The following RFX1 variants were observed in gnomAD, a reference collection of about 807,000 sequenced individuals.
RFX1 encodes MHC class II regulatory factor RFX1.
RFX1 carries 42 observed loss-of-function variants against 119.6 expected under a neutral mutation model. That is an observed-to-expected ratio of 0.35 (90% CI 0.27 to 0.45). The LOEUF is 0.45. Ranked by LOEUF, RFX1 falls within the 20% of genes least tolerant of loss-of-function variation. The pLI is 1.00. For synonymous variants in RFX1, 628 were observed against 618.5 expected (o/e 1.02, Z -0.23); for missense variants, 1,118 against 1,368.1 (o/e 0.82, Z 2.88).
Position 13,969,882 on chromosome 19 carries a change from G to T in RFX1, c.1496+112C>A. On this transcript the variant is annotated intron_variant, in intron 10 of 20. Coordinates refer to ENST00000254325, the MANE Select transcript of RFX1 (RefSeq NM_002918.5). This position sits in a 1 kb window ranked among gnomAD's most constrained non-coding sequence, Gnocchi z 4.5. The stretch of plus-strand genomic sequence containing the variant: ...CGGGGCTGTCGAGGAGCCTCGCAGA[G>T]GCCGGCGGGACTGGGCTGGACTGGA... 1.8e-6 allele frequency: 2 copies of T among 1,123,504 alleles called. No homozygotes were observed. Among genetic ancestry groups the T allele is most frequent in the Non-Finnish European group, 1.3e-6 (1 of 799,270 alleles). The allele number at this position is 1,123,504 out of a possible 1,614,324, so 69.6% of individuals were successfully genotyped here.
At chr19:13,999,687 G>A (rs1197654023) in intron 1 of RFX1, among the ~76,000 whole-genome samples, 1 of 147,278 alleles carries the variant, frequency 6.8e-6, no homozygotes, top group Non-Finnish European at 1.5e-5. Flanking sequence ...GTTTTTTTTT[G>A]TTTTTGAGGC....
At chr19:13,999,757 C>G (rs953782513) in intron 1 of RFX1, among the ~76,000 whole-genome samples, 6 of 151,966 alleles carry the variant, frequency 3.9e-5, no homozygotes, top group Non-Finnish European at 8.8e-5. Flanking sequence ...CTCACTGCAA[C>G]CTCTGCCTCC....
intron 8 of RFX1, among the ~76,000 whole-genome samples, chr19:13,974,032 G>A (rs1390030486): frequency 1.3e-5 from 2 of 151,922 alleles, no homozygotes; most frequent in South Asian, 4.1e-4. Flanking sequence ...CAAGTACTTC[G>A]AGTGCCTACT....
chr19:13,978,577 G>C (rs376402745), intron 7 of RFX1, among the ~76,000 whole-genome samples: 12 of 152,190 alleles, frequency 7.9e-5, no homozygotes, highest in East Asian at 7.7e-4. Context: ...TGTCTGCAGG[G>C]GCGGAGCTGG....
intron 7 of RFX1, 74 bp from the exon 8 acceptor site, chr19:13,978,160 G>A: frequency 9.1e-7 from 1 of 1,094,056 alleles, no homozygotes; most frequent in Non-Finnish European, 1.4e-6. Flanking sequence ...AAGGGCTGGT[G>A]CCCACCCAGG....
intron 2 of RFX1, among the ~76,000 whole-genome samples, chr19:13,984,589 G>T (rs1264182508): frequency 1.3e-5 from 2 of 152,106 alleles, no homozygotes; most frequent in Non-Finnish European, 1.5e-5. Flanking sequence ...CCTCACCCCA[G>T]CTGGGACACC....
intron 1 of RFX1, among the ~76,000 whole-genome samples, chr19:13,996,439 C>T (rs1038105981): frequency 1.2e-4 from 18 of 152,214 alleles, no homozygotes; most frequent in Non-Finnish European, 1.8e-4. Flanking sequence ...GCCCTCCAGC[C>T]GCAGGGTGAC....
At chr19:14,004,416 G>A (rs1975308651) in intron 1 of RFX1, among the ~76,000 whole-genome samples, 1 of 152,138 alleles carries the variant, frequency 6.6e-6, no homozygotes, top group African/African-American at 2.4e-5. Context: ...ACTGAGGCAG[G>A]AGAATCACTT....
At chr19:13,974,434 G>T (rs1055866376) in intron 8 of RFX1, among the ~76,000 whole-genome samples, 1 of 152,138 alleles carries the variant, frequency 6.6e-6, no homozygotes, top group Non-Finnish European at 1.5e-5. Context: ...ACCACCAGGG[G>T]TTCAACCTCA....
chr19:13,983,061 A>C, intron 4 of RFX1, 126 bp downstream of exon 4: 1 of 699,752 alleles, frequency 1.4e-6, no homozygotes, highest in Non-Finnish European at 2.4e-6. Context: ...GCCAGGAGGT[A>C]GGGCAGCCCC....
At position 13,962,883 on chromosome 19, in the gene RFX1, G is replaced by A; in HGVS notation, c.2771-19C>T. On this transcript the variant is annotated intron_variant, in intron 20 of 20. Coordinates refer to ENST00000254325, the MANE Select transcript of RFX1 (RefSeq NM_002918.5). ...TCCTCGTCTGGAACACAGGGACCAA[G>A]TCCGGCTCGGGGCGGGGTGGCAACG... The A allele has an allele frequency of 6.5e-7, 1 of 1,533,408 alleles. No homozygotes were observed. The highest frequency in any genetic ancestry group is 1.2e-5 in the South Asian group (1 of 82,866). The allele number at this position is 1,533,408 out of a possible 1,614,324, so 95.0% of individuals were successfully genotyped here. A position where few individuals can be genotyped will look rare whatever the true frequency, so the allele number is the denominator to read the frequency against.
At chr19:13,994,893 C>CATACATATATAT (rs58399098) in intron 1 of RFX1, among the ~76,000 whole-genome samples, 24 of 59,278 alleles carry the variant, frequency 4.0e-4, no homozygotes, top group African/African-American at 8.5e-4. Flanking sequence ...AATATACATA[C>CATACATATATAT]ATATATATAT....
chr19:13,994,219 G>T (rs1415188014), intron 1 of RFX1, among the ~76,000 whole-genome samples: 1 of 152,096 alleles, frequency 6.6e-6, no homozygotes, highest in Non-Finnish European at 1.5e-5. Flanking sequence ...ACACTGCGGG[G>T]GAACTTGGGC....
intron 2 of RFX1, among the ~76,000 whole-genome samples, chr19:13,987,923 A>G (rs1259503427): frequency 6.6e-6 from 1 of 152,122 alleles, no homozygotes; most frequent in African/African-American, 2.4e-5. Flanking sequence ...TGGGGGAGAC[A>G]GAGGCCACCT....
Position 13,993,757 on chromosome 19 carries a change from C to A in RFX1, c.87G>T (p.Pro29=). Reference sequence around the variant, plus strand: ...GTGCCGCTGGGGGTGGTGGCGGTGGCGGCTGGGGCTGGGCTTGTGGCGGGG... The same window carrying A: ...GTGCCGCTGGGGGTGGTGGCGGTGGAGGCTGGGGCTGGGCTTGTGGCGGGG... ...PQAPPQAQPQ[P]PPPPPPAAPQ... is the part of the protein sequence containing the mutation. Residue 29 remains proline (P), a synonymous_variant, in exon 2 of 21, where the codon CCG becomes CCT. Transcript: ENST00000254325. 2 of 1,539,584 alleles carry A rather than the reference C, an allele frequency of 1.3e-6. No individual in the cohort carries two copies. Among genetic ancestry groups the A allele is most frequent in the Non-Finnish European group, 8.7e-7 (1 of 1,143,454 alleles).
At chr19:13,988,049 CAG>C (rs1305443317) in intron 2 of RFX1, among the ~76,000 whole-genome samples, 5 of 139,128 alleles carry the variant, frequency 3.6e-5, no homozygotes, top group Admixed American at 2.2e-4. Flanking sequence ...TTTTTTGAGA[CAG>C]AGTCTTGCTC....
At position 13,980,718 on chromosome 19, in the gene RFX1, G is replaced by T. The variant is rs377640725; in HGVS notation, c.622-29C>A. 3.1e-6 allele frequency: 2 copies of T among 646,288 alleles called. No homozygotes were observed. Among genetic ancestry groups the T allele is most frequent in the Non-Finnish European group, 2.1e-6 (1 of 472,684 alleles). 40.0% of individuals were successfully genotyped at this position (646,288 alleles called of 1,614,324 possible). A position where few individuals can be genotyped will look rare whatever the true frequency, so the allele number is the denominator to read the frequency against. ...TAAGGGAAGGAGACACAGGAGTGCCGCTGGGGTGGGCTTGCATCCTCTCTG... is the reference window on the plus strand; with the variant it reads ...TAAGGGAAGGAGACACAGGAGTGCCTCTGGGGTGGGCTTGCATCCTCTCTG... On this transcript the variant is annotated intron_variant, in intron 5 of 20. Coordinates refer to ENST00000254325, the MANE Select transcript of RFX1 (RefSeq NM_002918.5). This position sits in a 1 kb window ranked among gnomAD's most constrained non-coding sequence, Gnocchi z 5.1.
At chr19:13,987,135 CCCCTCCTT>C (rs1974624485) in intron 2 of RFX1, among the ~76,000 whole-genome samples, 1 of 152,232 alleles carries the variant, frequency 6.6e-6, no homozygotes, top group Non-Finnish European at 1.5e-5. Flanking sequence ...CCGGACTCGG[CCCCTCCTT>C]CGGGGCGGCC....
chr19:13,967,516 G>A (rs1404762154), intron 12 of RFX1, among the ~76,000 whole-genome samples: 2 of 150,020 alleles, frequency 1.3e-5, no homozygotes, highest in Non-Finnish European at 3.0e-5. Flanking sequence ...TCACTGTGTC[G>A]CCCAGGCTGC....
Sources: gnomAD v4.1 joint callset for allele counts (sites outside exome capture counted in the v4.1 genomes callset) on GRCh38, gnomAD v4.1.1 for gene constraint, Gnocchi (gnomAD v3.1) non-coding constraint, MANE v1.5 for transcripts, NCBI Gene and HGNC (gene_info 2026-07-23, HGNC 2026-07-21) for gene names.